Variants in CADPS2 observed in about 807,000 individuals in gnomAD.
The protein encoded by CADPS2 is calcium dependent secretion activator 2, also known as calcium-dependent secretion activator 2.
Under a neutral mutation model 172.5 loss-of-function variants are expected in CADPS2, and 93 were observed. The observed-to-expected ratio is 0.54, with a 90% CI of 0.46 to 0.64. The LOEUF (loss-of-function observed/expected upper bound fraction) is 0.64, where lower values mean the gene tolerates loss of function less well. Ranked by LOEUF, CADPS2 falls within the 30% of genes least tolerant of loss-of-function variation. The probability of loss-of-function intolerance (pLI) is 0.00; values close to 1 mark genes in which losing one functional copy is unlikely to be tolerated. For synonymous variants in CADPS2, 546 were observed against 555.2 expected, an observed-to-expected ratio of 0.98 and a Z score of 0.23; for missense variants, 1,420 against 1,565.9, an observed-to-expected ratio of 0.91 and a Z score of 1.57.
chr7:122,529,722 G>T (rs936882444), intron 8 of CADPS2, among the ~76,000 whole-genome samples: 12 of 151,996 alleles, frequency 7.9e-5, no homozygotes, highest in African/African-American at 2.9e-4. Context: ...AATTAAGAAG[G>T]TATGTTATTT....
intron 1 of CADPS2, among the ~76,000 whole-genome samples, chr7:122,849,572 T>C (rs1001624792): frequency 1.3e-5 from 2 of 152,222 alleles, no homozygotes; most frequent in Non-Finnish European, 2.9e-5. Flanking sequence ...CCAAGCAAAG[T>C]GAAAACAGAG....
chr7:122,428,661 G>T (rs1048088007), intron 17 of CADPS2, among the ~76,000 whole-genome samples: 6 of 151,792 alleles, frequency 4.0e-5, no homozygotes, highest in Non-Finnish European at 7.4e-5. Context: ...TAGAGATGGG[G>T]TTTCTCCATG....
At chr7:122,399,169 T>G (rs2045568835) in intron 20 of CADPS2, among the ~76,000 whole-genome samples, 1 of 152,162 alleles carries the variant, frequency 6.6e-6, no homozygotes, top group African/African-American at 2.4e-5. Flanking sequence ...TTTCTTACTT[T>G]TTTGGGCAAC....
chr7:122,541,858 TATATATATGC>T (rs1201448900), intron 8 of CADPS2, among the ~76,000 whole-genome samples: 14 of 79,718 alleles, frequency 1.8e-4, no homozygotes, highest in Non-Finnish European at 4.2e-4. Flanking sequence ...CATATATATT[TATATATATGC>T]ATATATATTT....
intron 25 of CADPS2, among the ~76,000 whole-genome samples, chr7:122,374,682 A>G (rs890353765): frequency 6.6e-6 from 1 of 152,060 alleles, no homozygotes; most frequent in Non-Finnish European, 1.5e-5. Context: ...ACGAGAAAAC[A>G]TGGACACAGG....
intron 1 of CADPS2, among the ~76,000 whole-genome samples, chr7:122,747,975 A>C (rs1346311231): frequency 1.3e-5 from 2 of 152,104 alleles, no homozygotes; most frequent in Non-Finnish European, 2.9e-5. Flanking sequence ...TCATACATAC[A>C]TCTGTCACTT....
chr7:122,420,500 C>T (rs1444878873), intron 17 of CADPS2, among the ~76,000 whole-genome samples: 1 of 152,196 alleles, frequency 6.6e-6, no homozygotes, highest in African/African-American at 2.4e-5. Context: ...TCTGGTTTCA[C>T]CCATTTGGCT....
chr7:122,826,081 T>C (rs1804789671), intron 1 of CADPS2, among the ~76,000 whole-genome samples: 1 of 152,142 alleles, frequency 6.6e-6, no homozygotes, highest in South Asian at 2.1e-4. Context: ...GCAGCACCCT[T>C]CCATTTCCAC....
chr7:122,846,350 A>G (rs1300701751), intron 1 of CADPS2, among the ~76,000 whole-genome samples: 3 of 152,224 alleles, frequency 2.0e-5, no homozygotes, highest in African/African-American at 7.2e-5. Flanking sequence ...TAACAAGAAA[A>G]TCACTGTAAA....
At chr7:122,873,369 G>T (rs1820321616) in intron 1 of CADPS2, among the ~76,000 whole-genome samples, 1 of 151,998 alleles carries the variant, frequency 6.6e-6, no homozygotes, top group South Asian at 2.1e-4. Context: ...CCCTCCCTGT[G>T]TCCACATGTT....
intron 1 of CADPS2, among the ~76,000 whole-genome samples, chr7:122,823,500 T>G (rs1346411321): frequency 3.9e-5 from 6 of 152,100 alleles, no homozygotes; most frequent in African/African-American, 1.4e-4. Context: ...TGATTTAATG[T>G]GCATAGAAGT....
intron 28 of CADPS2, among the ~76,000 whole-genome samples, chr7:122,327,605 G>A (rs2034129256): frequency 6.6e-6 from 1 of 151,882 alleles, no homozygotes; most frequent in Admixed American, 6.6e-5. Context: ...TTATGTTCTT[G>A]AAAATCCTTA....
At chr7:122,869,059 T>C (rs1374673195) in intron 1 of CADPS2, among the ~76,000 whole-genome samples, 2 of 152,028 alleles carry the variant, frequency 1.3e-5, no homozygotes, top group Non-Finnish European at 2.9e-5. Context: ...AAGGGAATTA[T>C]GGAACACCAT....
At chr7:122,726,928 TAA>T (rs2091166540) in intron 2 of CADPS2, among the ~76,000 whole-genome samples, 1 of 151,946 alleles carries the variant, frequency 6.6e-6, no homozygotes, top group African/African-American at 2.4e-5. Flanking sequence ...GAAAGGCATT[TAA>T]AGTTAAAGAG....
chr7:122,789,154 G>T (rs1794717618), intron 1 of CADPS2, among the ~76,000 whole-genome samples: 1 of 152,142 alleles, frequency 6.6e-6, no homozygotes, highest in African/African-American at 2.4e-5. Flanking sequence ...GCATGAAGAG[G>T]TGAAGGGAAT....
In CADPS2 at chr7:122,583,919, G is replaced by T. The variant is rs2069248043; in HGVS notation, c.1224-2629C>A. Among the ~76,000 whole-genome samples, 3 of 151,112 alleles carry T rather than the reference G, an allele frequency of 2.0e-5. No individual in the cohort carries two copies. In the South Asian group the frequency reaches 6.3e-4, roughly 32 times the overall value. On this transcript the variant is annotated intron_variant, in intron 6 of 29. Coordinates refer to ENST00000449022, the MANE Select transcript of CADPS2 (RefSeq NM_017954.11). ...CACACACATATAAAGATCCAGAAAT[G>T]AGTGCTCTAGTTTATGAAACATTTC...
intron 1 of CADPS2, among the ~76,000 whole-genome samples, chr7:122,871,069 A>C (rs541036239): frequency 6.6e-6 from 1 of 152,136 alleles, no homozygotes; most frequent in African/African-American, 2.4e-5. Context: ...GAAAGGACAA[A>C]GAAGAGTAGA....
intron 1 of CADPS2, among the ~76,000 whole-genome samples, chr7:122,786,992 T>C (rs1194688501): frequency 2.0e-5 from 3 of 152,176 alleles, no homozygotes; most frequent in Non-Finnish European, 4.4e-5. Context: ...AGGCAGGTAG[T>C]AGGCCTTGCT....
At chr7:122,432,972 T>TATATATA (rs1172277543) in intron 17 of CADPS2, among the ~76,000 whole-genome samples, 2 of 152,036 alleles carry the variant, frequency 1.3e-5, no homozygotes, top group African/African-American at 4.8e-5. Flanking sequence ...ATATAACTAA[T>TATATATA]ATATATAATA....
Sources: gnomAD v4.1 joint callset for allele counts (sites outside exome capture counted in the v4.1 genomes callset) on GRCh38, gnomAD v4.1.1 for gene constraint, MANE v1.5 for transcripts, NCBI Gene and HGNC (gene_info 2026-07-23, HGNC 2026-07-21) for gene names.